CCDC80: variants seen among roughly 807,000 people sequenced by gnomAD.
The protein encoded by CCDC80 is coiled-coil domain-containing protein 80.
In CCDC80, 49 loss-of-function variants were observed where a neutral mutation model predicts 78.7. The ratio of observed to expected loss-of-function variants is 0.62; its 90% confidence interval spans 0.50 to 0.79. The LOEUF is 0.79. Ranked by LOEUF, CCDC80 falls within the 30% of genes least tolerant of loss-of-function variation. The pLI is 0.00. For missense variants in CCDC80, 1,205 were observed against 1,198.6 expected, an observed-to-expected ratio of 1.01 and a Z score of -0.08; for synonymous variants, 488 against 447.0, an observed-to-expected ratio of 1.09 and a Z score of -1.16.
At chr3:112,608,365 A>G (rs1487580202) in intron 6 of CCDC80, among the ~76,000 whole-genome samples, 2 of 152,140 alleles carry the variant, frequency 1.3e-5, no homozygotes, top group African/African-American at 4.8e-5. Context: ...TTTTTTTTTC[A>G]CCTTTACTCT....
In CCDC80 at chr3:112,639,618, G is replaced by A. The variant is rs887205916; in HGVS notation, c.288C>T (p.Asp96=). The A allele has an allele frequency of 6.2e-7, 1 of 1,614,144 alleles. No homozygotes were observed. The highest frequency in any genetic ancestry group is 1.7e-5 in the Admixed American group (1 of 60,020). The stretch of plus-strand genomic sequence containing the variant: ...CAGGTCTCACGGCGGCCCCATTGAT[G>A]TCCGAGCGGGCTGGCGGCTCTGTTG... ...ARPTEPPARS[D]INGAAVRPEQ... The change falls in exon 2 of 8, where the codon GAC becomes GAT. Residue 96 remains aspartate (D), a synonymous_variant. Transcript: ENST00000206423.
In CCDC80 at chr3:112,605,705, G is replaced by C. The variant is rs774861562; in HGVS notation, c.2565C>G (p.Asn855Lys). 2 of 1,614,216 alleles carry C rather than the reference G, an allele frequency of 1.2e-6. No individual in the cohort carries two copies. Among genetic ancestry groups the C allele is most frequent in the Non-Finnish European group, 1.7e-6 (2 of 1,180,034 alleles). ...AGTACTCCGGGCTCACTTGAAAATA[G>C]TTACGAATGTCTTTCACCAAATGGG... ...VPAHLVKDIR[N>K]YFQVSPEYFS... The change falls in exon 8 of 8, where the codon AAC (asparagine) becomes AAG (lysine). Residue 855 changes from asparagine to lysine, a missense_variant. Asn to Lys is a moderately conservative substitution (Grantham distance 94). Coordinates refer to ENST00000206423, the MANE Select transcript of CCDC80 (RefSeq NM_199511.3).
intron 2 of CCDC80, among the ~76,000 whole-genome samples, chr3:112,636,334 CA>C (rs1936207767): frequency 1.3e-5 from 2 of 150,490 alleles, no homozygotes; most frequent in Non-Finnish European, 3.0e-5. Flanking sequence ...TGAGAATATC[CA>C]AGCGACCTGA....
At position 112,603,240 on chromosome 3, in the gene CCDC80, GT is replaced by G. The variant is rs1371630745; in HGVS notation, c.*2176del. On this transcript the variant is annotated 3_prime_UTR_variant, in exon 8 of 8. Coordinates refer to ENST00000206423, the MANE Select transcript of CCDC80 (RefSeq NM_199511.3). ...AAAAGAATCTTTTAAAAATATTGCTGTTCGGGCCGGGCGCAGTGGCTCATGC... is the reference window on the plus strand; with the variant it reads ...AAAAGAATCTTTTAAAAATATTGCTGTCGGGCCGGGCGCAGTGGCTCATGC... 1 of 152,000 alleles carries G rather than the reference GT, an allele frequency of 6.6e-6. No homozygotes were observed. Among genetic ancestry groups the G allele is most frequent in the African/African-American group, 2.4e-5 (1 of 41,374 alleles). The allele number at this position is 152,000 out of a possible 1,614,324, so 9.4% of individuals were successfully genotyped here. A position where few individuals can be genotyped will look rare whatever the true frequency, so the allele number is the denominator to read the frequency against.
intron 6 of CCDC80, among the ~76,000 whole-genome samples, chr3:112,608,076 G>A (rs1280662285): frequency 6.6e-6 from 1 of 152,232 alleles, no homozygotes; most frequent in African/African-American, 2.4e-5. Flanking sequence ...AGGACAGGAG[G>A]GAAGGTCATG....
intron 4 of CCDC80, among the ~76,000 whole-genome samples, chr3:112,617,135 T>C (rs1576785001): frequency 6.6e-6 from 1 of 152,212 alleles, no homozygotes; most frequent in East Asian, 1.9e-4. Context: ...ATACAAGTCC[T>C]AGGTTCACCT....
chr3:112,614,673 C>T (rs1479980351), intron 5 of CCDC80, among the ~76,000 whole-genome samples: 1 of 152,064 alleles, frequency 6.6e-6, no homozygotes, highest in East Asian at 1.9e-4. Context: ...GAAGGAAGAG[C>T]CTTGGGTTCC....
At position 112,605,220 on chromosome 3, in the gene CCDC80, TTTTAAATGTCTTTATGA is replaced by T. The variant is rs553916905; in HGVS notation, c.*180_*196del. The T allele has an allele frequency of 1.7e-4, 81 of 478,646 alleles. No homozygotes were observed. Among genetic ancestry groups the T allele is most frequent in the African/African-American group, 1.5e-3 (76 of 50,784 alleles). 29.6% of individuals were successfully genotyped at this position (478,646 alleles called of 1,614,324 possible). On this transcript the variant is annotated 3_prime_UTR_variant, in exon 8 of 8. Transcript: ENST00000206423. ...GCCCCTCCAGTTAGAAAAACAATTCTTTTAAATGTCTTTATGATTTGAGGTTTCAATAATAACTCATG... is the reference window on the plus strand; with the variant it reads ...GCCCCTCCAGTTAGAAAAACAATTCTTTTGAGGTTTCAATAATAACTCATG...
intron 6 of CCDC80, among the ~76,000 whole-genome samples, chr3:112,608,148 G>C (rs1935550743): frequency 6.6e-6 from 1 of 152,194 alleles, no homozygotes; most frequent in African/African-American, 2.4e-5. Context: ...TCCAGAGAAA[G>C]AAAATAGGAG....
rs1936072431 is a variant in CCDC80, at chr3:112,630,271, T to G, written c.1879-2A>C. ...CTCAGCCTTGGGAGCAGTGATCAGC[T>G]GGAGGTGGGTGAAGACAAACAAATA... On this transcript the variant is annotated splice_acceptor_variant, in intron 2 of 7. Coordinates refer to ENST00000206423, the MANE Select transcript of CCDC80 (RefSeq NM_199511.3). LOFTEE classifies it high-confidence loss of function. The G allele has an allele frequency of 6.2e-7, 1 of 1,613,534 alleles. No homozygotes were observed. The highest frequency in any genetic ancestry group is 8.5e-7 in the Non-Finnish European group (1 of 1,179,566).
intron 2 of CCDC80, among the ~76,000 whole-genome samples, chr3:112,634,918 T>A (rs1936175510): frequency 6.6e-6 from 1 of 152,246 alleles, no homozygotes; most frequent in African/African-American, 2.4e-5. Context: ...TGTTTTCTCA[T>A]GTGTAGAAAG....
At chr3:112,635,586 C>G (rs1377685273) in intron 2 of CCDC80, among the ~76,000 whole-genome samples, 1 of 152,192 alleles carries the variant, frequency 6.6e-6, no homozygotes, top group Non-Finnish European at 1.5e-5. Context: ...TTCATTTGGT[C>G]TTTTCTAATA....
chr3:112,610,190 A>C, intron 5 of CCDC80, 109 bp from the exon 6 acceptor site: 1 of 831,444 alleles, frequency 1.2e-6, no homozygotes, highest in South Asian at 1.5e-5. Context: ...TGCCCAGAAA[A>C]AAAAAAAGAA....
chr3:112,620,908 G>T (rs1339402811), intron 3 of CCDC80, among the ~76,000 whole-genome samples: 1 of 152,076 alleles, frequency 6.6e-6, no homozygotes, highest in African/African-American at 2.4e-5. Flanking sequence ...TCCAGAATTG[G>T]TTCTGTGCTG....
In CCDC80 at chr3:112,598,712, A is replaced by C. The variant is rs2107462826; in HGVS notation, c.*6705T>G. 1 of 152,332 alleles carries C rather than the reference A, an allele frequency of 6.6e-6. No homozygotes were observed. The highest frequency in any genetic ancestry group is 3.4e-3 in the Middle Eastern group (1 of 294). The allele number at this position is 152,332 out of a possible 1,614,324, so 9.4% of individuals were successfully genotyped here. A position where few individuals can be genotyped will look rare whatever the true frequency, so the allele number is the denominator to read the frequency against. ...AGAGAGATTACGCATTTGTGGTCTC[A>C]AGTTAGGAAACTGTTGAAGAACAAA... On this transcript the variant is annotated 3_prime_UTR_variant, in exon 8 of 8. Transcript: ENST00000206423.
At chr3:112,628,429 C>T (rs1936024630) in intron 3 of CCDC80, among the ~76,000 whole-genome samples, 1 of 152,180 alleles carries the variant, frequency 6.6e-6, no homozygotes, top group Admixed American at 6.5e-5. Flanking sequence ...ACAAGTGTGA[C>T]AGCTCATTGA....
chr3:112,619,070 T>G lies in CCDC80; in HGVS notation c.2070A>C (p.Glu690Asp). 6.2e-7 allele frequency: 1 copy of G among 1,605,606 alleles called. No homozygotes were observed. Among genetic ancestry groups the G allele is most frequent in the Non-Finnish European group, 8.5e-7 (1 of 1,177,188 alleles). The change falls in exon 4 of 8, where the codon GAA becomes GAC. Residue 690 changes from glutamate to aspartate, a missense_variant. Coordinates refer to ENST00000206423, the MANE Select transcript of CCDC80 (RefSeq NM_199511.3). ...NEKPMRVVDDEDLVDQRLISE... is the reference protein window; with the variant it reads ...NEKPMRVVDDDDLVDQRLISE... ...TGATGAGACGCTGGTCTACCAAGTC[T>G]TCATCATCCACCACTCGCATGGGCT...
chr3:112,639,117 TTGG>T lies in CCDC80; in HGVS notation c.786_788del (p.Asp262_Gln263delinsGlu). ...TCTTCTCGATCCTACGGATGGGGCC[TTGG>T]TCGATGACCTCGTACATGGCTTCCA... On this transcript the variant is annotated inframe_deletion, in exon 2 of 8. Coordinates refer to ENST00000206423, the MANE Select transcript of CCDC80 (RefSeq NM_199511.3). 1 of 1,614,178 alleles carries T rather than the reference TTGG, an allele frequency of 6.2e-7. No individual in the cohort carries two copies. Among genetic ancestry groups the T allele is most frequent in the Non-Finnish European group, 8.5e-7 (1 of 1,180,026 alleles).
chr3:112,603,942 A>T lies in CCDC80; in HGVS notation c.*1475T>A, dbSNP rs1047543715. 1 of 152,206 alleles carries T rather than the reference A, an allele frequency of 6.6e-6. No individual in the cohort carries two copies. Among genetic ancestry groups the T allele is most frequent in the Non-Finnish European group, 1.5e-5 (1 of 68,034 alleles). The allele number at this position is 152,206 out of a possible 1,614,324, so 9.4% of individuals were successfully genotyped here. A position where few individuals can be genotyped will look rare whatever the true frequency, so the allele number is the denominator to read the frequency against. ...CATGGATGATTTTAAGAGGCCCAAGACTTCATTGGAGGAAGCTCTGCTATA... is the reference window on the plus strand; with the variant it reads ...CATGGATGATTTTAAGAGGCCCAAGTCTTCATTGGAGGAAGCTCTGCTATA... On this transcript the variant is annotated 3_prime_UTR_variant, in exon 8 of 8. Transcript: ENST00000206423.
Sources: gnomAD v4.1 joint callset for allele counts (sites outside exome capture counted in the v4.1 genomes callset) on GRCh38, gnomAD v4.1.1 for gene constraint, MANE v1.5 for transcripts, NCBI Gene and HGNC (gene_info 2026-07-23, HGNC 2026-07-21) for gene names.